The following HDAC9 variants were observed in gnomAD, a reference collection of about 807,000 sequenced individuals.
HDAC9 encodes the protein MEF-2 interacting transcription repressor (MITR) protein.
In HDAC9, 41 loss-of-function variants were observed where a neutral mutation model predicts 139.4. The ratio of observed to expected loss-of-function variants is 0.29; its 90% CI spans 0.23 to 0.38. The LOEUF (loss-of-function observed/expected upper bound fraction) is 0.38, where lower values mean the gene tolerates loss of function less well. Ranked by LOEUF, HDAC9 falls within the 10% of genes least tolerant of loss-of-function variation. The pLI is 1.00. For synonymous variants in HDAC9, 517 were observed against 476.2 expected, an observed-to-expected ratio of 1.09 and a Z score of -1.12; for missense variants, 1,147 against 1,297.0, an observed-to-expected ratio of 0.88 and a Z score of 1.78.
chr7:18,960,831 T>C (rs913014905), intron 24 of HDAC9, among the ~76,000 whole-genome samples: 4 of 151,998 alleles, frequency 2.6e-5, no homozygotes, highest in African/African-American at 9.7e-5. Context: ...CATCAGATAA[T>C]CCAGGAGAAA....
At chr7:18,403,150 G>C (rs956757788) in intron 1 of HDAC9, among the ~76,000 whole-genome samples, 6 of 152,132 alleles carry the variant, frequency 3.9e-5, no homozygotes, top group African/African-American at 1.4e-4. Flanking sequence ...TATATTGACT[G>C]TGTGTACATA....
At chr7:18,846,824 A>G (rs1045665019) in intron 21 of HDAC9, among the ~76,000 whole-genome samples, 5 of 152,206 alleles carry the variant, frequency 3.3e-5, no homozygotes, top group African/African-American at 1.2e-4. Flanking sequence ...AAACAACCAC[A>G]CAAATGCACT....
At chr7:18,529,960 T>G (rs1282765091) in intron 2 of HDAC9, among the ~76,000 whole-genome samples, 9 of 152,088 alleles carry the variant, frequency 5.9e-5, no homozygotes, top group Non-Finnish European at 1.0e-4. Flanking sequence ...AAAATACACA[T>G]TTAGTGCTTT....
At chr7:18,544,753 C>A (rs1297772629) in intron 2 of HDAC9, among the ~76,000 whole-genome samples, 1 of 152,200 alleles carries the variant, frequency 6.6e-6, no homozygotes, top group Non-Finnish European at 1.5e-5. Context: ...AGCTGATCAT[C>A]TAGGTCAAAT....
rs11310764 is a variant in HDAC9, at chr7:18,280,587, CAA to C, written c.25+118249_25+118250del. Among the ~76,000 whole-genome samples, 438 of 139,464 alleles carry C rather than the reference CAA, an allele frequency of 3.1e-3. 5 individuals are homozygous for C. Among genetic ancestry groups the C allele is most frequent in the African/African-American group, 0.01 (385 of 37,564 alleles). The allele number at this position is 139,464 out of a possible 152,430, so 91.5% of individuals were successfully genotyped here. Reference sequence around the variant, plus strand: ...TGGGTGACAGAGCGAGACTCTGTCTCAAAAAAAAAAAACAAAAAACAAAAAAA... The same window carrying C: ...TGGGTGACAGAGCGAGACTCTGTCTCAAAAAAAAAACAAAAAACAAAAAAA... On this transcript the variant is annotated intron_variant, in intron 2 of 12. Transcript: ENST00000417496.
intron 17 of HDAC9, among the ~76,000 whole-genome samples, chr7:18,800,551 G>A (rs1316493183): frequency 2.0e-5 from 3 of 151,932 alleles, no homozygotes; most frequent in African/African-American, 7.2e-5. Flanking sequence ...TTTCTTCTTG[G>A]GCAAGGGATG....
chr7:18,861,443 C>T (rs187600381), intron 21 of HDAC9, among the ~76,000 whole-genome samples: 2 of 152,218 alleles, frequency 1.3e-5, no homozygotes, highest in East Asian at 1.9e-4. Flanking sequence ...AGCAATCTTA[C>T]CATTTTGCCC....
At chr7:18,549,675 C>T (rs1364912358) in intron 2 of HDAC9, among the ~76,000 whole-genome samples, 1 of 151,924 alleles carries the variant, frequency 6.6e-6, no homozygotes, top group Admixed American at 6.5e-5. Flanking sequence ...GTGAAGCTTT[C>T]ACAGGATTCC....
chr7:18,213,313 C>T (rs1018938892), intron 2 of HDAC9, among the ~76,000 whole-genome samples: 2 of 152,050 alleles, frequency 1.3e-5, no homozygotes, highest in South Asian at 2.1e-4. Context: ...TCCTTACAAC[C>T]TCATGTATAT....
intron 22 of HDAC9, among the ~76,000 whole-genome samples, chr7:18,922,292 A>G (rs1803826652): frequency 6.6e-6 from 1 of 152,094 alleles, no homozygotes; most frequent in Admixed American, 6.6e-5. Context: ...GTGCTAAATT[A>G]TCCTATTTTT....
At chr7:18,345,927 A>G (rs780537783) in intron 1 of HDAC9, among the ~76,000 whole-genome samples, 10 of 152,080 alleles carry the variant, frequency 6.6e-5, no homozygotes, top group Non-Finnish European at 1.3e-4. Context: ...AAGGAGCCGC[A>G]TGTATAGTAC....
chr7:18,842,437 C>T (rs1796645149), intron 21 of HDAC9, among the ~76,000 whole-genome samples: 1 of 151,976 alleles, frequency 6.6e-6, no homozygotes, highest in African/African-American at 2.4e-5. Flanking sequence ...ATCTTAGTAA[C>T]AAAGCAGTAA....
intron 1 of HDAC9, among the ~76,000 whole-genome samples, chr7:18,341,584 A>AT (rs1782016321): frequency 1.3e-5 from 2 of 151,492 alleles, no homozygotes; most frequent in South Asian, 4.2e-4. Context: ...TAGAACTTCT[A>AT]TTTTGTTCTT....
chr7:18,326,597 A>G (rs1219895693), intron 1 of HDAC9, among the ~76,000 whole-genome samples: 3 of 152,000 alleles, frequency 2.0e-5, no homozygotes, highest in Non-Finnish European at 4.4e-5. Context: ...AGGAAAAGCA[A>G]CATGTTAACA....
intron 1 of HDAC9, among the ~76,000 whole-genome samples, chr7:18,295,760 A>G (rs1798101377): frequency 6.6e-6 from 1 of 152,204 alleles, no homozygotes; most frequent in Admixed American, 6.5e-5. Context: ...TTGGTACCCC[A>G]GAGCACATTT....
At chr7:18,550,364 C>A (rs1391959671) in intron 2 of HDAC9, among the ~76,000 whole-genome samples, 1 of 152,134 alleles carries the variant, frequency 6.6e-6, no homozygotes, top group Non-Finnish European at 1.5e-5. Flanking sequence ...CTGTTCTGTT[C>A]CATTCTATGC....
At chr7:18,461,591 A>G (rs1207426192) in intron 1 of HDAC9, among the ~76,000 whole-genome samples, 1 of 152,130 alleles carries the variant, frequency 6.6e-6, no homozygotes, top group Admixed American at 6.6e-5. Context: ...TAACACTGAA[A>G]TTAGTACTAG....
intron 2 of HDAC9, among the ~76,000 whole-genome samples, chr7:18,267,591 A>G (rs948593860): frequency 6.6e-6 from 1 of 152,070 alleles, no homozygotes; most frequent in African/African-American, 2.4e-5. Flanking sequence ...AATGCCATCT[A>G]GTTTTGTCCA....
In HDAC9 at chr7:18,540,112, A is replaced by AG. The variant is rs1812301894; in HGVS notation, c.22+43788_22+43789insG. On this transcript the variant is annotated intron_variant, in intron 2 of 25. Coordinates refer to ENST00000686413, the MANE Select transcript of HDAC9 (RefSeq NM_178425.4). ...ATCCCTACTAAAAATACAAAAAAAA[A>AG]AAAAAAAAAAAATAGCCAGGAATTG... 2.7e-5 allele frequency among the ~76,000 whole-genome samples: 4 copies of AG among 150,126 alleles called. No individual in the cohort carries two copies. In the South Asian group the frequency reaches 8.5e-4, roughly 32 times the overall value.
Sources: allele counts gnomAD v4.1 joint callset (sites outside exome capture counted in the v4.1 genomes callset), GRCh38; gene constraint gnomAD v4.1.1; transcripts MANE v1.5; gene names NCBI Gene and HGNC (gene_info 2026-07-23, HGNC 2026-07-21).